The following GRIK4 variants were observed in gnomAD, a reference collection of about 807,000 sequenced individuals.
GRIK4 encodes the protein glutamate ionotropic receptor kainate type subunit 4, also known as glutamate receptor ionotropic, kainate 4.
Under a neutral mutation model 104.9 loss-of-function variants are expected in GRIK4, and 40 were observed. That is an observed-to-expected ratio of 0.38 (90% confidence interval 0.30 to 0.50). The LOEUF is 0.50. Ranked by LOEUF, GRIK4 falls within the 20% of genes least tolerant of loss-of-function variation. The pLI, the probability that GRIK4 is intolerant of heterozygous loss-of-function variation, is 0.93. For synonymous variants in GRIK4, 485 were observed against 524.9 expected, an observed-to-expected ratio of 0.92 and a Z score of 1.04; for missense variants, 1,047 against 1,308.1, an observed-to-expected ratio of 0.80 and a Z score of 3.08.
intron 3 of GRIK4, among the ~76,000 whole-genome samples, chr11:120,741,399 C>T (rs1427700820): frequency 6.6e-6 from 1 of 151,744 alleles, no homozygotes; most frequent in Non-Finnish European, 1.5e-5. Context: ...CTGCCTCAGC[C>T]TCCCAAGTAG....
intron 8 of GRIK4, among the ~76,000 whole-genome samples, chr11:120,848,795 GGGA>G (rs1953907863): frequency 6.6e-6 from 1 of 152,152 alleles, no homozygotes; most frequent in Non-Finnish European, 1.5e-5. Context: ...GCTAGGGTAG[GGGA>G]GGAGGAGCCA....
chr11:120,564,969 C>G (rs1432836170), intron 1 of GRIK4, among the ~76,000 whole-genome samples: 1 of 126,140 alleles, frequency 7.9e-6, no homozygotes, highest in African/African-American at 3.3e-5. Flanking sequence ...ATCGGCTCCG[C>G]CGGCTGCGGG....
chr11:120,922,611 GA>G (rs1270154379), intron 13 of GRIK4, among the ~76,000 whole-genome samples: 2 of 152,218 alleles, frequency 1.3e-5, no homozygotes, highest in African/African-American at 4.8e-5. Context: ...TTCCTGGCCA[GA>G]GTCATTATAT....
At chr11:120,596,145 C>T (rs904832796) in intron 1 of GRIK4, among the ~76,000 whole-genome samples, 2 of 152,204 alleles carry the variant, frequency 1.3e-5, no homozygotes, top group Admixed American at 6.5e-5. Context: ...TGTGCCCGAC[C>T]GGGATGGCTT....
chr11:120,884,718 G>A (rs1221120308), intron 11 of GRIK4, among the ~76,000 whole-genome samples: 5 of 152,218 alleles, frequency 3.3e-5, no homozygotes, highest in East Asian at 3.8e-4. Flanking sequence ...AGGCCTGCCC[G>A]ACAGAGCGCT....
At chr11:120,881,366 G>C (rs1017040883) in intron 11 of GRIK4, among the ~76,000 whole-genome samples, 1 of 152,084 alleles carries the variant, frequency 6.6e-6, no homozygotes, top group Admixed American at 6.5e-5. Context: ...CTAGAAATTA[G>C]ACCTGAGCCA....
intron 19 of GRIK4, among the ~76,000 whole-genome samples, chr11:120,969,938 C>T (rs182158534): frequency 3.3e-5 from 5 of 152,300 alleles, no homozygotes; most frequent in Admixed American, 3.3e-4. Context: ...GGACAGAGCA[C>T]TCAATGCACT....
chr11:120,574,887 T>G (rs746974238), intron 1 of GRIK4, among the ~76,000 whole-genome samples: 2 of 151,630 alleles, frequency 1.3e-5, no homozygotes, highest in African/African-American at 4.9e-5. Flanking sequence ...ACCTACTATA[T>G]GCCTGAGTCT....
intron 7 of GRIK4, among the ~76,000 whole-genome samples, chr11:120,835,241 T>C (rs1953542674): frequency 6.6e-6 from 1 of 152,140 alleles, no homozygotes; most frequent in Non-Finnish European, 1.5e-5. Context: ...AAGAATCCTA[T>C]AAGATTACAG....
intron 1 of GRIK4, among the ~76,000 whole-genome samples, chr11:120,594,782 G>A (rs1242613883): frequency 4.6e-5 from 7 of 152,154 alleles, no homozygotes; most frequent in Admixed American, 2.6e-4. Flanking sequence ...ACTCATAGCC[G>A]TACCATGACT....
At chr11:120,908,334 C>T (rs1247035225) in intron 13 of GRIK4, among the ~76,000 whole-genome samples, 1 of 152,134 alleles carries the variant, frequency 6.6e-6, no homozygotes, top group Non-Finnish European at 1.5e-5. Context: ...GCTGTGTGTG[C>T]TTAAACACAT....
chr11:120,662,436 C>T (rs1368119127), intron 3 of GRIK4, among the ~76,000 whole-genome samples: 1 of 152,210 alleles, frequency 6.6e-6, no homozygotes, highest in African/African-American at 2.4e-5. Flanking sequence ...CCCGTTCTTC[C>T]TGTCTCCTTG....
In GRIK4 at chr11:120,858,191, C is replaced by T. The variant is rs116439747; in HGVS notation, c.745-3768C>T. ...AACCAGCCAGGCAGTGTGGCTGGGG[C>T]GGGGTTGGGGAGGCATAATGGGAGC... On this transcript the variant is annotated intron_variant, in intron 8 of 20. Coordinates refer to ENST00000527524, the MANE Select transcript of GRIK4 (RefSeq NM_014619.5). 1,163 of 152,146 alleles carry T rather than the reference C, an allele frequency of 7.6e-3. 15 individuals carry two copies. Among genetic ancestry groups the T allele is most frequent in the African/African-American group, 0.026 (1,097 of 41,484 alleles). The allele number at this position is 152,146 out of a possible 1,614,324, so 9.4% of individuals were successfully genotyped here. A position where few individuals can be genotyped will look rare whatever the true frequency, so the allele number is the denominator to read the frequency against.
intron 3 of GRIK4, among the ~76,000 whole-genome samples, chr11:120,789,605 G>T (rs375714091): frequency 1.3e-5 from 2 of 151,964 alleles, no homozygotes; most frequent in Non-Finnish European, 2.9e-5. Flanking sequence ...TGACGTCATC[G>T]CCTGTCGGAA....
chr11:120,658,983 C>T lies in GRIK4; in HGVS notation c.-50-1286C>T, dbSNP rs568155702. ...CAGGATGGTCTTGATCTTCTGACTT[C>T]GTGATCCACCTGCCTTGGCCTCCCA... On this transcript the variant is annotated intron_variant, in intron 2 of 20. Transcript: ENST00000527524. Among the ~76,000 whole-genome samples, 61 of 152,086 alleles carry T rather than the reference C, an allele frequency of 4.0e-4. 1 individual carries two copies. Among genetic ancestry groups the T allele is most frequent in the Admixed American group, 2.5e-3 (38 of 15,280 alleles).
chr11:120,795,507 C>A (rs1022808179), intron 3 of GRIK4, among the ~76,000 whole-genome samples: 1 of 152,192 alleles, frequency 6.6e-6, no homozygotes, highest in African/African-American at 2.4e-5. Flanking sequence ...AAAAGACAAG[C>A]GGCCTTGAAT....
At chr11:120,681,518 C>T (rs1286750563) in intron 3 of GRIK4, among the ~76,000 whole-genome samples, 2 of 152,174 alleles carry the variant, frequency 1.3e-5, no homozygotes, top group South Asian at 4.1e-4. Flanking sequence ...AGTATTTACT[C>T]TCCACCCTGG....
At chr11:120,873,817 C>T (rs1954680542) in intron 9 of GRIK4, 1 of 411,056 alleles carries the variant, frequency 2.4e-6, no homozygotes, top group East Asian at 3.9e-5. Flanking sequence ...CCCAAAGGGC[C>T]AGCACAAGGC....
intron 1 of GRIK4, among the ~76,000 whole-genome samples, chr11:120,562,846 G>T (rs1195179193): frequency 6.6e-6 from 1 of 152,210 alleles, no homozygotes; most frequent in African/African-American, 2.4e-5. Context: ...TGATGATTGG[G>T]CATGGGGGGT....
Sources: gnomAD v4.1 joint callset for allele counts (sites outside exome capture counted in the v4.1 genomes callset) on GRCh38, gnomAD v4.1.1 for gene constraint, MANE v1.5 for transcripts, NCBI Gene and HGNC (gene_info 2026-07-23, HGNC 2026-07-21) for gene names.